The following MCUR1 variants were observed in gnomAD, a reference collection of about 807,000 sequenced individuals.
The protein encoded by MCUR1 is mitochondrial calcium uniporter regulator 1.
Under a neutral mutation model 42.0 loss-of-function variants are expected in MCUR1, and 37 were observed. That is an observed-to-expected ratio of 0.88 (90% CI 0.68 to 1.16). The LOEUF is 1.16. Among genes scored for constraint, MCUR1 ranks in the 50% most tolerant of loss-of-function variants. The pLI is 0.00. For missense variants in MCUR1, 469 were observed against 468.4 expected (o/e 1.00, Z -0.01); for synonymous variants, 229 against 196.2 (o/e 1.17, Z -1.40).
Position 13,798,924 on chromosome 6 carries a change from C to T in MCUR1, c.784-20G>A, listed in dbSNP as rs757252606. 20 of 1,436,252 alleles carry T rather than the reference C, an allele frequency of 1.4e-5. No individual in the cohort carries two copies. In the Admixed American group the frequency reaches 3.2e-4, roughly 23 times the overall value. 89.0% of individuals were successfully genotyped at this position (1,436,252 alleles called of 1,614,324 possible). ...TTCATCCTAAAAGGAGGGCAAACAA[C>T]AAAGAAGGAAAAATCCAAAGTAAGA... On this transcript the variant is annotated intron_variant, in intron 5 of 8. Coordinates refer to ENST00000379170, the MANE Select transcript of MCUR1 (RefSeq NM_001031713.4).
intron 6 of MCUR1, among the ~76,000 whole-genome samples, chr6:13,798,170 A>G (rs13191432): frequency 3.0e-4 from 45 of 151,310 alleles, no homozygotes; most frequent in African/African-American, 7.3e-4. Context: ...ATCTCAGCTC[A>G]CTGCAACCTC....
intron 6 of MCUR1, among the ~76,000 whole-genome samples, chr6:13,794,834 G>A (rs561573621): frequency 7.5e-4 from 114 of 152,156 alleles, no homozygotes; most frequent in African/African-American, 2.5e-3. Context: ...ATAATCCAGC[G>A]TTACTAAAGG....
intron 1 of MCUR1, among the ~76,000 whole-genome samples, chr6:13,812,669 A>G (rs1009086670): frequency 6.6e-6 from 1 of 152,186 alleles, no homozygotes; most frequent in African/African-American, 2.4e-5. Context: ...TTGCTCTACT[A>G]ATCAGTTTTT....
At chr6:13,806,860 C>A in intron 2 of MCUR1, 65 bp downstream of exon 2, 8 of 1,470,416 alleles carry the variant, frequency 5.4e-6, no homozygotes, top group South Asian at 4.1e-5. Flanking sequence ...TAAATGAAAC[C>A]ATAAGAGAAG....
At chr6:13,813,904 C>G (rs571406881) in intron 1 of MCUR1, 111 bp downstream of exon 1, 1 of 1,153,550 alleles carries the variant, frequency 8.7e-7, no homozygotes, top group East Asian at 3.3e-5. Flanking sequence ...CCTTGGAGGA[C>G]CCGCCCTCCG....
chr6:13,812,578 G>C (rs1260687334), intron 1 of MCUR1, among the ~76,000 whole-genome samples: 3 of 152,080 alleles, frequency 2.0e-5, no homozygotes, highest in African/African-American at 7.2e-5. Flanking sequence ...ACTCATCTCC[G>C]ACTCCTAATT....
chr6:13,806,833 AG>A, intron 2 of MCUR1, 91 bp downstream of exon 2: 1 of 1,346,046 alleles, frequency 7.4e-7, no homozygotes, highest in East Asian at 2.4e-5. Flanking sequence ...TAGAAGTCAA[AG>A]AGGAACATGA....
intron 1 of MCUR1, among the ~76,000 whole-genome samples, chr6:13,807,513 T>G (rs1760136850): frequency 6.6e-6 from 1 of 152,228 alleles, no homozygotes; most frequent in Non-Finnish European, 1.5e-5. Context: ...TATTGCTGAA[T>G]ACTCCTCCAT....
intron 4 of MCUR1, among the ~76,000 whole-genome samples, chr6:13,801,043 A>C (rs1759977326): frequency 6.6e-6 from 1 of 152,234 alleles, no homozygotes; most frequent in African/African-American, 2.4e-5. Context: ...TGGTTCTAGA[A>C]TAGGCGAAAC....
rs1159368961 is a variant in MCUR1 at position 13,794,094 on chromosome 6, T to C, written c.856-147A>G. On this transcript the variant is annotated intron_variant, in intron 6 of 8. Coordinates refer to ENST00000379170, the MANE Select transcript of MCUR1 (RefSeq NM_001031713.4). ...TGGGATTAAGTAGCCTACCTGCTTCTTTATATGTGTTACTTGAGGTTTCTT... is the reference window on the plus strand; with the variant it reads ...TGGGATTAAGTAGCCTACCTGCTTCCTTATATGTGTTACTTGAGGTTTCTT... 2.0e-5 allele frequency: 13 copies of C among 639,418 alleles called. No homozygotes were observed. In the African/African-American group the frequency reaches 2.4e-4, roughly 12 times the overall value. The allele number at this position is 639,418 out of a possible 1,614,324, so 39.6% of individuals were successfully genotyped here. A position where few individuals can be genotyped will look rare whatever the true frequency, so the allele number is the denominator to read the frequency against.
At chr6:13,796,488 G>A (rs1452647488) in intron 6 of MCUR1, among the ~76,000 whole-genome samples, 1 of 152,020 alleles carries the variant, frequency 6.6e-6, no homozygotes, top group Non-Finnish European at 1.5e-5. Flanking sequence ...GTTTCACCAC[G>A]TTGGCCAGGC....
intron 1 of MCUR1, among the ~76,000 whole-genome samples, chr6:13,813,112 G>A (rs1760273847): frequency 1.3e-5 from 2 of 152,190 alleles, no homozygotes; most frequent in African/African-American, 4.8e-5. Context: ...CAGGTTTGTA[G>A]CCTAGGAGCA....
intron 1 of MCUR1, among the ~76,000 whole-genome samples, chr6:13,807,547 G>A (rs1254545035): frequency 6.6e-6 from 1 of 152,140 alleles, no homozygotes; most frequent in Non-Finnish European, 1.5e-5. Context: ...TAAATTTTGT[G>A]TATCCATTTA....
rs969269173 is a variant in MCUR1, at chr6:13,787,033, C to A, written c.*3776G>T. 1 of 152,102 alleles carries A rather than the reference C, an allele frequency of 6.6e-6. No individual in the cohort carries two copies. Among genetic ancestry groups the A allele is most frequent in the African/African-American group, 2.4e-5 (1 of 41,412 alleles). 9.4% of individuals were successfully genotyped at this position (152,102 alleles called of 1,614,324 possible). ...AATCAAAGTTTTCTAGATATGAATT[C>A]TATATACCATCTCTATATTTGTTTA... On this transcript the variant is annotated 3_prime_UTR_variant, in exon 9 of 9. Transcript: ENST00000379170.
chr6:13,793,986 C>A (rs1446018261), intron 6 of MCUR1, 39 bp from the exon 7 acceptor site: 8 of 1,580,428 alleles, frequency 5.1e-6, no homozygotes, highest in Non-Finnish European at 7.0e-6. Context: ...TTCTGATCTA[C>A]TCCTCTCTCT....
chr6:13,811,255 T>C (rs1216505589), intron 1 of MCUR1, among the ~76,000 whole-genome samples: 1 of 152,168 alleles, frequency 6.6e-6, no homozygotes, highest in Non-Finnish European at 1.5e-5. Flanking sequence ...CATCTATTTG[T>C]CCAAGCTGCC....
chr6:13,790,835 G>T lies in MCUR1; in HGVS notation c.1054C>A (p.Leu352Met). The T allele has an allele frequency of 6.2e-7, 1 of 1,612,014 alleles. No homozygotes were observed. The highest frequency in any genetic ancestry group is 8.5e-7 in the Non-Finnish European group (1 of 1,178,516). The change falls in exon 9 of 9, where the codon CTG (leucine) becomes ATG (methionine). Residue 352 changes from leucine to methionine, a missense_variant. Coordinates refer to ENST00000379170, the MANE Select transcript of MCUR1 (RefSeq NM_001031713.4). The part of the protein sequence containing the change: ...GSIFTCLTVA[L>M]GFYRLWI The stretch of plus-strand genomic sequence containing the variant: ...TAGATCCACAGGCGATAAAATCCCA[G>T]AGCTACTGTTAGGCACGTAAATATA...
At chr6:13,800,428 C>T (rs1306181361) in intron 4 of MCUR1, 46 bp from the exon 5 acceptor site, 3 of 1,095,758 alleles carry the variant, frequency 2.7e-6, no homozygotes, top group African/African-American at 1.6e-5. Context: ...CAACATAAAA[C>T]GTAGTAACCA....
chr6:13,808,590 T>TGGG (rs1436668409), intron 1 of MCUR1, among the ~76,000 whole-genome samples: 1 of 152,158 alleles, frequency 6.6e-6, no homozygotes, highest in Non-Finnish European at 1.5e-5. Flanking sequence ...AACCACTAGG[T>TGGG]AATCCAAGTA....
Sources: gnomAD v4.1 joint callset for allele counts (sites outside exome capture counted in the v4.1 genomes callset) on GRCh38, gnomAD v4.1.1 for gene constraint, MANE v1.5 for transcripts, NCBI Gene and HGNC (gene_info 2026-07-23, HGNC 2026-07-21) for gene names.